The following PKD1L3 variants were observed in gnomAD, a reference collection of about 807,000 sequenced individuals.
PKD1L3 encodes polycystin 1 like 3, transient receptor potential channel interacting, also known as polycystin-1-like protein 3.
A neutral mutation model predicts 184.1 loss-of-function variants in PKD1L3; 239 were observed. The observed-to-expected ratio is 1.30, with a 90% confidence interval of 1.17 to 1.45. PKD1L3 has a LOEUF of 1.45. PKD1L3 is among the 40% of genes most tolerant of loss of function. The pLI is 0.00. For missense variants in PKD1L3, 2,660 were observed against 2,067.2 expected (o/e 1.29, Z -5.56); for synonymous variants, 996 against 778.8 (o/e 1.28, Z -4.64).
chr16:71,958,173 G>T (rs12930036), intron 16 of PKD1L3, among the ~76,000 whole-genome samples: 32,427 of 151,450 alleles, frequency 0.21, 4,028 homozygotes, highest in South Asian at 0.41. Flanking sequence ...GGATCACGAG[G>T]TCAGGAGATC....
In PKD1L3 at chr16:71,944,108, C is replaced by T; in HGVS notation, c.3781G>A (p.Ala1261Thr). The change falls in exon 23 of 30, where the codon GCT (alanine) becomes ACT (threonine). Residue 1261 changes from alanine (A) to threonine (T), a missense_variant. Coordinates refer to ENST00000620267, the MANE Select transcript of PKD1L3 (RefSeq NM_181536.2). ...GGGTGCTTAGTTGGACTATTTATAG[C>T]TGGGGCTACATAGACGGGGTTGTTC... ...DKNNPVYVAP[A>T]INSPTKHPER... 6.4e-7 allele frequency: 1 copy of T among 1,551,526 alleles called. No individual in the cohort carries two copies. The highest frequency in any genetic ancestry group is 8.7e-7 in the Non-Finnish European group (1 of 1,146,648).
At chr16:71,982,525 T>A (rs940980421) in intron 6 of PKD1L3, among the ~76,000 whole-genome samples, 1 of 152,096 alleles carries the variant, frequency 6.6e-6, no homozygotes, top group African/African-American at 2.4e-5. Context: ...CCTCAGGTGA[T>A]CTTCCTACCC....
At chr16:71,969,741 G>C in intron 13 of PKD1L3, 134 bp downstream of exon 13, 1 of 799,272 alleles carries the variant, frequency 1.3e-6, no homozygotes, top group South Asian at 2.0e-5. Flanking sequence ...ATAAATTTAA[G>C]AAAAGTTTCA....
At chr16:71,979,213 G>A (rs1450980560) in intron 9 of PKD1L3, among the ~76,000 whole-genome samples, 1 of 152,154 alleles carries the variant, frequency 6.6e-6, no homozygotes, top group Non-Finnish European at 1.5e-5. Flanking sequence ...GGAGGCTCAG[G>A]TGGGTGAATC....
intron 18 of PKD1L3, among the ~76,000 whole-genome samples, chr16:71,952,647 T>C (rs1454755349): frequency 1.0e-4 from 8 of 79,628 alleles, no homozygotes; most frequent in African/African-American, 2.5e-4. Flanking sequence ...CCAGCCTGGG[T>C]AACATGGTGA....
Position 71,934,010 on chromosome 16 carries a change from G to T in PKD1L3, c.4729C>A (p.Leu1577Met). ...LWNLLRHSPRLRVISRTLSRA... is the reference protein window; with the variant it reads ...LWNLLRHSPRMRVISRTLSRA... ...CTCAGTGTCCTGCTGATGACCCGCA[G>T]CCTGGGGCTATGACGCAGCAGGTTC... Residue 1577 changes from leucine to methionine, a missense_variant, in exon 27 of 30, where the codon CTG becomes ATG. Transcript: ENST00000620267. The T allele has an allele frequency of 1.9e-6, 3 of 1,551,738 alleles. No individual in the cohort carries two copies. Among genetic ancestry groups the T allele is most frequent in the South Asian group, 2.4e-5 (2 of 84,062 alleles).
intron 2 of PKD1L3, among the ~76,000 whole-genome samples, chr16:71,996,391 C>A (rs542949763): frequency 6.6e-6 from 1 of 151,216 alleles, no homozygotes; most frequent in Non-Finnish European, 1.5e-5. Flanking sequence ...CTCCTGAGTA[C>A]CTGGGACTAC....
chr16:71,988,723 C>T (rs374372172), intron 4 of PKD1L3, among the ~76,000 whole-genome samples: 2 of 152,062 alleles, frequency 1.3e-5, no homozygotes, highest in South Asian at 2.1e-4. Flanking sequence ...ATAAGATAAA[C>T]GGGAGAAAAG....
chr16:71,930,212 G>A (rs1368841173), intron 28 of PKD1L3, 29 bp from the exon 29 acceptor site: 4 of 1,519,726 alleles, frequency 2.6e-6, no homozygotes, highest in Non-Finnish European at 3.5e-6. Context: ...CACTTGCAGT[G>A]ACTGACAATT....
At chr16:71,941,773 CG>C (rs1208694462) in intron 24 of PKD1L3, among the ~76,000 whole-genome samples, 3 of 150,768 alleles carry the variant, frequency 2.0e-5, no homozygotes, top group African/African-American at 7.3e-5. Context: ...TTAGTAGAGA[CG>C]GGGTGTCACC....
At chr16:71,997,444 G>A (rs528144373) in intron 2 of PKD1L3, among the ~76,000 whole-genome samples, 114 of 148,108 alleles carry the variant, frequency 7.7e-4, no homozygotes, top group African/African-American at 2.6e-3. Flanking sequence ...CCACTCCACC[G>A]TCTCCACATA....
chr16:71,933,813 G>C, intron 27 of PKD1L3, 102 bp downstream of exon 27: 1 of 1,298,852 alleles, frequency 7.7e-7, no homozygotes, highest in South Asian at 1.4e-5. Flanking sequence ...CTTTCCTACT[G>C]TACCACCTCG....
intron 4 of PKD1L3, among the ~76,000 whole-genome samples, chr16:71,987,932 T>A (rs778834990): frequency 6.6e-6 from 1 of 151,978 alleles, no homozygotes; most frequent in Non-Finnish European, 1.5e-5. Context: ...CCAAGGAAGC[T>A]AGAGGAGTGA....
At chr16:71,937,691 AGTT>A (rs895809359) in intron 24 of PKD1L3, among the ~76,000 whole-genome samples, 2 of 152,170 alleles carry the variant, frequency 1.3e-5, no homozygotes, top group Admixed American at 6.6e-5. Flanking sequence ...GTGGCTTAAC[AGTT>A]ATTATAGATG....
intron 13 of PKD1L3, among the ~76,000 whole-genome samples, chr16:71,969,431 A>G (rs894250644): frequency 6.6e-6 from 1 of 150,450 alleles, no homozygotes; most frequent in African/African-American, 2.4e-5. Flanking sequence ...TCAGCTGCCC[A>G]AGTAGCTGGG....
intron 4 of PKD1L3, 92 bp from the exon 5 acceptor site, chr16:71,986,561 G>T: frequency 7.4e-7 from 1 of 1,357,010 alleles, no homozygotes; most frequent in Non-Finnish European, 9.9e-7. Context: ...CTGAAACTCT[G>T]TCCTATGAGA....
chr16:71,931,403 C>T (rs528219661), intron 28 of PKD1L3, among the ~76,000 whole-genome samples: 1 of 151,232 alleles, frequency 6.6e-6, no homozygotes, highest in Admixed American at 6.6e-5. Context: ...GCTTAAGTCC[C>T]TTATTTTTAT....
chr16:71,968,927 TA>T (rs1312638787), intron 13 of PKD1L3, among the ~76,000 whole-genome samples: 1 of 146,948 alleles, frequency 6.8e-6, no homozygotes, highest in Non-Finnish European at 1.5e-5. Context: ...GATTTACATA[TA>T]ACTTTTTTTT....
intron 20 of PKD1L3, 45 bp downstream of exon 20, chr16:71,950,073 G>A: frequency 6.5e-7 from 1 of 1,549,062 alleles, no homozygotes; most frequent in South Asian, 1.2e-5. Context: ...GATAGAGGAT[G>A]AGGAAGATTA....
Sources: allele counts gnomAD v4.1 joint callset (sites outside exome capture counted in the v4.1 genomes callset), GRCh38; gene constraint gnomAD v4.1.1; transcripts MANE v1.5; gene names NCBI Gene and HGNC (gene_info 2026-07-23, HGNC 2026-07-21).